Variants in KIAA0319L observed in about 807,000 individuals in gnomAD.
KIAA0319L encodes dyslexia-associated protein KIAA0319-like protein.
KIAA0319L carries 55 observed loss-of-function variants against 120.1 expected under a neutral mutation model. The observed-to-expected ratio is 0.46, with a 90% CI of 0.37 to 0.57. KIAA0319L has a LOEUF of 0.57. KIAA0319L is among the 20% of genes least tolerant of loss of function. KIAA0319L has a pLI of 0.00. For synonymous variants in KIAA0319L, 398 were observed against 471.9 expected (o/e 0.84, Z 2.03); for missense variants, 1,049 against 1,255.3 (o/e 0.84, Z 2.48).
chr1:35,509,569 G>A (rs1284816843), intron 2 of KIAA0319L, among the ~76,000 whole-genome samples: 2 of 152,124 alleles, frequency 1.3e-5, no homozygotes, highest in African/African-American at 4.8e-5. Flanking sequence ...AGAAGCTAGG[G>A]GGAGGCAAGG....
intron 2 of KIAA0319L, among the ~76,000 whole-genome samples, chr1:35,529,770 A>G (rs1302012725): frequency 2.0e-5 from 3 of 152,152 alleles, no homozygotes; most frequent in African/African-American, 7.2e-5. Flanking sequence ...CAGTTTGACT[A>G]TCATGTGCCA....
chr1:35,540,338 G>C (rs1287951339), intron 2 of KIAA0319L, among the ~76,000 whole-genome samples: 3 of 152,152 alleles, frequency 2.0e-5, no homozygotes, highest in African/African-American at 7.2e-5. Context: ...TATATAATTG[G>C]TGCTTGCTTC....
chr1:35,480,992 T>G (rs746047116), intron 3 of KIAA0319L, among the ~76,000 whole-genome samples: 2 of 152,218 alleles, frequency 1.3e-5, no homozygotes, highest in African/African-American at 4.8e-5. Context: ...ACTGATTTGT[T>G]TGCTATCAAA....
intron 7 of KIAA0319L, among the ~76,000 whole-genome samples, chr1:35,464,842 T>C (rs989721053): frequency 4.6e-5 from 7 of 152,214 alleles, no homozygotes; most frequent in African/African-American, 1.4e-4. Context: ...GCTCAAGCCA[T>C]GGCTGAAAAG....
At chr1:35,519,813 T>C (rs1410213877) in intron 2 of KIAA0319L, among the ~76,000 whole-genome samples, 1 of 152,180 alleles carries the variant, frequency 6.6e-6, no homozygotes, top group Non-Finnish European at 1.5e-5. Context: ...CGTTTCAGAT[T>C]CATCTTATCT....
At chr1:35,500,908 C>T (rs533183029) in intron 3 of KIAA0319L, among the ~76,000 whole-genome samples, 16 of 152,146 alleles carry the variant, frequency 1.1e-4, no homozygotes, top group African/African-American at 3.6e-4. Flanking sequence ...TCAAATATAA[C>T]TTATCTGGAT....
At chr1:35,451,814 TCTG>T (rs1558304953) in intron 12 of KIAA0319L, 38 bp from the exon 13 acceptor site, 1 of 1,608,838 alleles carries the variant, frequency 6.2e-7, no homozygotes, top group Non-Finnish European at 8.5e-7. Context: ...GTTGTACCTG[TCTG>T]CTGCTGTCCT....
chr1:35,523,397 C>A (rs533727161), intron 2 of KIAA0319L, among the ~76,000 whole-genome samples: 2 of 152,262 alleles, frequency 1.3e-5, no homozygotes, highest in South Asian at 2.1e-4. Context: ...CTCAAAAAAT[C>A]TTTTTCAACA....
chr1:35,457,382 C>T (rs896313204), intron 9 of KIAA0319L, among the ~76,000 whole-genome samples: 1 of 151,624 alleles, frequency 6.6e-6, no homozygotes, highest in African/African-American at 2.4e-5. Flanking sequence ...CCTAGGCAGA[C>T]AGCCTGCGGG....
chr1:35,505,499 G>A (rs977281831), intron 3 of KIAA0319L, among the ~76,000 whole-genome samples: 25 of 152,128 alleles, frequency 1.6e-4, no homozygotes, highest in Non-Finnish European at 2.6e-4. Context: ...GTATGTTAAT[G>A]CAATAATTAT....
At chr1:35,545,050 A>T (rs1646930636) in intron 2 of KIAA0319L, among the ~76,000 whole-genome samples, 1 of 152,168 alleles carries the variant, frequency 6.6e-6, no homozygotes, top group South Asian at 2.1e-4. Flanking sequence ...AGAATTTGAG[A>T]GGAAGGAGCT....
intron 3 of KIAA0319L, among the ~76,000 whole-genome samples, chr1:35,484,029 ATT>A: frequency 6.6e-6 from 1 of 152,306 alleles, no homozygotes; most frequent in Middle Eastern, 3.4e-3. Flanking sequence ...CAGTCATTAT[ATT>A]AAGGGCCCAC....
Position 35,434,704 on chromosome 1 carries a change from T to G in KIAA0319L, c.*190A>C. 1.7e-6 allele frequency: 1 copy of G among 573,746 alleles called. No homozygotes were observed. Among genetic ancestry groups the G allele is most frequent in the Non-Finnish European group, 3.1e-6 (1 of 326,556 alleles). 35.5% of individuals were successfully genotyped at this position (573,746 alleles called of 1,614,324 possible). On this transcript the variant is annotated 3_prime_UTR_variant, in exon 21 of 21. Transcript: ENST00000325722. ...ACCAGACAGGTTTAAAGAGGAAACC[T>G]CTTCATTCACAGCTTCGTTGAGGGG... is the stretch of plus-strand genomic sequence containing the variant.
intron 2 of KIAA0319L, chr1:35,533,413 A>T (rs1455938321): frequency 6.6e-6 from 1 of 152,216 alleles, no homozygotes; most frequent in East Asian, 1.9e-4. Flanking sequence ...AAAGCAGTTG[A>T]TAAATTCTTC....
chr1:35,536,886 A>C (rs1333269044), intron 2 of KIAA0319L, among the ~76,000 whole-genome samples: 1 of 151,146 alleles, frequency 6.6e-6, no homozygotes, highest in Non-Finnish European at 1.5e-5. Context: ...AAAAAAAAAA[A>C]ACAACTGTAA....
chr1:35,440,675 T>G, intron 20 of KIAA0319L: 1 of 208,378 alleles, frequency 4.8e-6, no homozygotes, highest in Non-Finnish European at 9.8e-6. Flanking sequence ...CGGGCCTGGG[T>G]CTCATCTCTG....
intron 3 of KIAA0319L, among the ~76,000 whole-genome samples, chr1:35,495,819 AT>A (rs1441311727): frequency 2.8e-5 from 4 of 140,664 alleles, no homozygotes; most frequent in African/African-American, 8.5e-5. Flanking sequence ...CACCCAGATA[AT>A]TTTTTCCACT....
intron 3 of KIAA0319L, among the ~76,000 whole-genome samples, chr1:35,481,773 A>T (rs1644173568): frequency 6.7e-6 from 1 of 149,374 alleles, no homozygotes; most frequent in Admixed American, 6.7e-5. Context: ...CTCCTTTGTA[A>T]TGCCTTCTCC....
intron 2 of KIAA0319L, among the ~76,000 whole-genome samples, chr1:35,507,823 T>G (rs907687191): frequency 7.9e-5 from 12 of 152,330 alleles, no homozygotes; most frequent in Middle Eastern, 3.4e-3. Context: ...TGACAAGTCA[T>G]GTCATGATAA....
Sources: gnomAD v4.1 joint callset for allele counts (sites outside exome capture counted in the v4.1 genomes callset) on GRCh38, gnomAD v4.1.1 for gene constraint, MANE v1.5 for transcripts, NCBI Gene and HGNC (gene_info 2026-07-23, HGNC 2026-07-21) for gene names.